MAGI1: variants seen among roughly 807,000 people sequenced by gnomAD.
MAGI1 encodes the protein membrane associated guanylate kinase, WW and PDZ domain containing 1, also known as membrane-associated guanylate kinase, WW and PDZ domain-containing protein 1.
MAGI1 carries 58 observed loss-of-function variants against 139.9 expected under a neutral mutation model. The ratio of observed to expected loss-of-function variants is 0.41; its 90% CI spans 0.34 to 0.52. The LOEUF (loss-of-function observed/expected upper bound fraction) is 0.52. Among genes scored for constraint, MAGI1 ranks in the 20% least tolerant of loss-of-function variants. MAGI1 has a pLI of 0.12. For missense variants in MAGI1, 1,874 were observed against 1,901.6 expected, an observed-to-expected ratio of 0.99 and a Z score of 0.27; for synonymous variants, 812 against 737.9, an observed-to-expected ratio of 1.10 and a Z score of -1.63.
chr3:65,660,695 G>A (rs1428443900), intron 1 of MAGI1, among the ~76,000 whole-genome samples: 1 of 152,172 alleles, frequency 6.6e-6, no homozygotes, highest in African/African-American at 2.4e-5. Flanking sequence ...AAGTCAGAAA[G>A]TTTTCTGACA....
chr3:65,469,153 T>C (rs1013546859), intron 5 of MAGI1, among the ~76,000 whole-genome samples: 1 of 152,112 alleles, frequency 6.6e-6, no homozygotes, highest in African/African-American at 2.4e-5. Flanking sequence ...CAGAAACAAA[T>C]GCTCACAGAG....
intron 1 of MAGI1, among the ~76,000 whole-genome samples, chr3:65,689,420 T>C (rs1197297952): frequency 6.6e-6 from 1 of 152,006 alleles, no homozygotes; most frequent in Non-Finnish European, 1.5e-5. Context: ...GTATCTTCTT[T>C]CCTAAACCTA....
intron 1 of MAGI1, among the ~76,000 whole-genome samples, chr3:65,897,904 A>G (rs1489464414): frequency 6.6e-6 from 1 of 151,872 alleles, no homozygotes; most frequent in Non-Finnish European, 1.5e-5. Context: ...GGGGAAAAAA[A>G]AAACTTAATG....
At chr3:65,480,412 A>G (rs1216120408) in intron 3 of MAGI1, among the ~76,000 whole-genome samples, 4 of 151,912 alleles carry the variant, frequency 2.6e-5, no homozygotes, top group Non-Finnish European at 5.9e-5. Context: ...ACTCTCCTGT[A>G]GTCCCAGCTA....
intron 2 of MAGI1, among the ~76,000 whole-genome samples, chr3:65,530,627 GTGTGTGTGT>G (rs2078608885): frequency 5.1e-3 from 6 of 1,168 alleles, no homozygotes; most frequent in East Asian, 0.045. Context: ...TGTGTGTGGT[GTGTGTGTGT>G]GTGTGTGTGT....
At chr3:65,755,300 G>A (rs142429423) in intron 1 of MAGI1, among the ~76,000 whole-genome samples, 1 of 152,212 alleles carries the variant, frequency 6.6e-6, no homozygotes, top group South Asian at 2.1e-4. Context: ...CACCCAAGGA[G>A]GTAGTTATTT....
chr3:65,573,600 G>T (rs2081053673), intron 2 of MAGI1, among the ~76,000 whole-genome samples: 1 of 151,804 alleles, frequency 6.6e-6, no homozygotes, highest in African/African-American at 2.4e-5. Context: ...TCAACCTGAT[G>T]AAAAGAATTT....
intron 1 of MAGI1, among the ~76,000 whole-genome samples, chr3:65,644,405 A>C (rs1259382253): frequency 1.3e-5 from 2 of 148,448 alleles, no homozygotes; most frequent in African/African-American, 2.5e-5. Flanking sequence ...AAGAAGTATA[A>C]AACCTCAGCC....
At chr3:65,702,561 T>C (rs2089688398) in intron 1 of MAGI1, among the ~76,000 whole-genome samples, 1 of 152,136 alleles carries the variant, frequency 6.6e-6, no homozygotes, top group Non-Finnish European at 1.5e-5. Context: ...AGCCCTCTCC[T>C]ACCCTGGTCT....
chr3:65,882,026 C>T (rs2060349752), intron 1 of MAGI1, among the ~76,000 whole-genome samples: 1 of 152,214 alleles, frequency 6.6e-6, no homozygotes, highest in Admixed American at 6.5e-5. Flanking sequence ...CCTGACTTCC[C>T]CTCTGAGGTT....
chr3:65,480,328 T>C (rs1373419772), intron 3 of MAGI1, among the ~76,000 whole-genome samples: 1 of 151,832 alleles, frequency 6.6e-6, no homozygotes, highest in African/African-American at 2.4e-5. Context: ...AGCTCAGAAG[T>C]TCAAGACCAG....
At chr3:65,786,594 C>T (rs2039403128) in intron 1 of MAGI1, among the ~76,000 whole-genome samples, 3 of 148,176 alleles carry the variant, frequency 2.0e-5, no homozygotes, top group Admixed American at 7.0e-5. Flanking sequence ...TGAGACACCA[C>T]GCCTGGCCCA....
intron 1 of MAGI1, among the ~76,000 whole-genome samples, chr3:65,960,132 A>G (rs1457944419): frequency 6.6e-6 from 1 of 152,012 alleles, no homozygotes; most frequent in Non-Finnish European, 1.5e-5. Flanking sequence ...AATACTAGCA[A>G]CAACAGAGAC....
chr3:65,714,306 C>A (rs567006120), intron 1 of MAGI1, among the ~76,000 whole-genome samples: 2 of 152,144 alleles, frequency 1.3e-5, no homozygotes, highest in Admixed American at 1.3e-4. Context: ...TCTGCCTGGA[C>A]CACTGCTTGG....
chr3:65,359,212 G>A, intron 22 of MAGI1: 3 of 1,596,630 alleles, frequency 1.9e-6, no homozygotes, highest in Non-Finnish European at 2.6e-6. Context: ...GAGAGAAAGA[G>A]AAAAAGTTGA....
At chr3:65,700,935 T>C (rs2089557806) in intron 1 of MAGI1, among the ~76,000 whole-genome samples, 1 of 152,104 alleles carries the variant, frequency 6.6e-6, no homozygotes, top group South Asian at 2.1e-4. Context: ...CACCCACCAA[T>C]CCTTTAGAAC....
chr3:65,864,688 G>A lies in MAGI1; in HGVS notation c.313+173308C>T, dbSNP rs538967477. Among the ~76,000 whole-genome samples, 22 of 148,258 alleles carry A rather than the reference G, an allele frequency of 1.5e-4. No homozygotes were observed. The East Asian group carries it at 3.3e-3, about 22-fold the overall frequency. ...GAGTGGGGAACAAGACTCTGCCTCC[G>A]TAACTCTGCCACCTGCCTCCAGGCT... On this transcript the variant is annotated intron_variant, in intron 1 of 22. Transcript: ENST00000402939.
chr3:65,815,837 C>T lies in MAGI1; in HGVS notation c.314-193749G>A, dbSNP rs1575593551. On this transcript the variant is annotated intron_variant, in intron 1 of 22. Coordinates refer to ENST00000402939, the MANE Select transcript of MAGI1 (RefSeq NM_001033057.2). Reference sequence around the variant, plus strand: ...CATTTTACACATGAAGTAACAAAAGCCTGGACTGGCTAAATAACTAACCAA... The same window carrying T: ...CATTTTACACATGAAGTAACAAAAGTCTGGACTGGCTAAATAACTAACCAA... Among the ~76,000 whole-genome samples the T allele has an allele frequency of 3.9e-5, 6 of 152,178 alleles. No individual in the cohort carries two copies. In the South Asian group the frequency reaches 1.2e-3, roughly 32 times the overall value.
intron 2 of MAGI1, among the ~76,000 whole-genome samples, chr3:65,499,879 G>C (rs994602190): frequency 6.6e-6 from 1 of 152,142 alleles, no homozygotes; most frequent in African/African-American, 2.4e-5. Context: ...TGAAATGATT[G>C]TTTAAACAAC....
Sources: gnomAD v4.1 joint callset for allele counts (sites outside exome capture counted in the v4.1 genomes callset) on GRCh38, gnomAD v4.1.1 for gene constraint, MANE v1.5 for transcripts, NCBI Gene and HGNC (gene_info 2026-07-23, HGNC 2026-07-21) for gene names.